The following MGST1 variants were observed in gnomAD, a reference collection of about 807,000 sequenced individuals.
MGST1 encodes the protein microsomal glutathione S-transferase 1, also known as glutathione S-transferase 12.
In MGST1, 5 loss-of-function variants were observed where a neutral mutation model predicts 8.9. The ratio of observed to expected loss-of-function variants is 0.56; its 90% confidence interval spans 0.29 to 1.19. MGST1 has a LOEUF of 1.19. Ranked by LOEUF, MGST1 falls within the 50% of genes most tolerant of loss-of-function variation. The pLI is 0.08. For missense variants in MGST1, 182 were observed against 187.4 expected (o/e 0.97, Z 0.17); for synonymous variants, 54 against 67.8 (o/e 0.80, Z 1.00).
At chr12:16,392,167 T>C (rs10846353) in intron 1 of MGST1, among the ~76,000 whole-genome samples, 59,254 of 151,994 alleles carry the variant, frequency 0.39, 11,653 homozygotes, top group East Asian at 0.53. Context: ...CATTTGAAGT[T>C]GGGTGATGTG....
chr12:16,439,898 A>G (rs1269113922), downstream of MGST1, among the ~76,000 whole-genome samples: 1 of 151,684 alleles, frequency 6.6e-6, no homozygotes, highest in Non-Finnish European at 1.5e-5. Flanking sequence ...CTCCCTCTCC[A>G]GCACTCTCCT....
In MGST1 at chr12:16,363,718, T is replaced by G; in HGVS notation, c.222-77T>G. On this transcript the variant is annotated intron_variant, in intron 3 of 3. Coordinates refer to ENST00000396210, the MANE Select transcript of MGST1 (RefSeq NM_020300.5). This position sits in a 1 kb window ranked among gnomAD's most constrained non-coding sequence, Gnocchi z 4.6. ...GGATCCATTAGTGCTCAGATTTAGT[T>G]TTTAGAAGAGAGAGAAAAAAGGATA... 3 of 1,294,242 alleles carry G rather than the reference T, an allele frequency of 2.3e-6. No homozygotes were observed. Among genetic ancestry groups the G allele is most frequent in the Non-Finnish European group, 3.1e-6 (3 of 966,480 alleles). The allele number at this position is 1,294,242 out of a possible 1,614,324, so 80.2% of individuals were successfully genotyped here. A position where few individuals can be genotyped will look rare whatever the true frequency, so the allele number is the denominator to read the frequency against.
rs775350108 is a variant in MGST1, at chr12:16,560,442, G to A, written n.483-29086G>A. 1 of 1,613,822 alleles carries A rather than the reference G, an allele frequency of 6.2e-7. No homozygotes were observed. The highest frequency in any genetic ancestry group is 8.5e-7 in the Non-Finnish European group (1 of 1,179,874). On this transcript the variant is annotated intron_variant and non_coding_transcript_variant, in intron 4 of 4. Transcript: ENST00000538857. The surrounding 1 kb of genome is among the most constrained non-coding windows in gnomAD (Gnocchi z 5.0). ...GATTACAAAGCTGACATGCAAAGCA[G>A]TCCAGGTGGTAAACATTGTCCTTGG...
intron 4 of MGST1, among the ~76,000 whole-genome samples, chr12:16,523,949 C>T (rs945151236): frequency 6.6e-6 from 1 of 152,084 alleles, no homozygotes; most frequent in African/African-American, 2.4e-5. Flanking sequence ...TTATCGGTTT[C>T]ATGCCCTTAC....
At chr12:16,409,585 G>T (rs1408716102) in intron 1 of MGST1, among the ~76,000 whole-genome samples, 2 of 152,088 alleles carry the variant, frequency 1.3e-5, no homozygotes, top group African/African-American at 4.8e-5. Context: ...GAGGGAAGAA[G>T]AACTTAGTTT....
chr12:16,395,612 T>A (rs1171825818), intron 1 of MGST1, among the ~76,000 whole-genome samples: 3 of 151,766 alleles, frequency 2.0e-5, no homozygotes, highest in Admixed American at 2.0e-4. Context: ...ATTGTATCAT[T>A]TTTATGACTT....
intron 4 of MGST1, among the ~76,000 whole-genome samples, chr12:16,499,431 T>A (rs973357607): frequency 6.6e-6 from 1 of 152,212 alleles, no homozygotes; most frequent in Non-Finnish European, 1.5e-5. Flanking sequence ...CAGTTGCATC[T>A]GTGGGTGTTT....
intron 1 of MGST1, among the ~76,000 whole-genome samples, chr12:16,387,639 G>A (rs1432680738): frequency 6.6e-6 from 1 of 151,412 alleles, no homozygotes; most frequent in Non-Finnish European, 1.5e-5. Flanking sequence ...CCATTCTCCT[G>A]CCTCAGCCTC....
chr12:16,578,818 AAACAACAACAACAACAAC>A (rs201327858), intron 4 of MGST1, among the ~76,000 whole-genome samples: 1 of 141,136 alleles, frequency 7.1e-6, no homozygotes, highest in South Asian at 2.1e-4. Flanking sequence ...ATTCTGTCTC[AAACAACAACAACAACAAC>A]AACAACAACA....
chr12:16,492,113 G>A (rs1025508664), intron 4 of MGST1, among the ~76,000 whole-genome samples: 2 of 151,956 alleles, frequency 1.3e-5, no homozygotes, highest in African/African-American at 2.4e-5. Context: ...ATCCTTCAAT[G>A]TTCATATGAA....
chr12:16,547,404 C>G lies in MGST1; in HGVS notation n.483-42124C>G, dbSNP rs1306994489. Among the ~76,000 whole-genome samples, 1 of 152,108 alleles carries G rather than the reference C, an allele frequency of 6.6e-6. No homozygotes were observed. Among genetic ancestry groups the G allele is most frequent in the Non-Finnish European group, 1.5e-5 (1 of 68,026 alleles). On this transcript the variant is annotated intron_variant and non_coding_transcript_variant, in intron 4 of 4. Coordinates refer to the MGST1 transcript ENST00000538857. The surrounding 1 kb of genome is among the most constrained non-coding windows in gnomAD (Gnocchi z 4.6). The stretch of plus-strand genomic sequence containing the variant: ...AATGAGTAATTTGTGTGCGATAATT[C>G]TCTGAACACATTGATTACTTGAGAT...
chr12:16,494,400 C>CA (rs1469638813), intron 4 of MGST1, among the ~76,000 whole-genome samples: 1 of 152,030 alleles, frequency 6.6e-6, no homozygotes, highest in African/African-American at 2.4e-5. Context: ...GCCTTAATTA[C>CA]AAAAATAGTG....
intron 4 of MGST1, among the ~76,000 whole-genome samples, chr12:16,557,776 A>G (rs993704266): frequency 2.0e-5 from 3 of 152,028 alleles, no homozygotes; most frequent in Admixed American, 2.0e-4. Context: ...TAGTGTTTCT[A>G]TTTTGTAGGT....
At chr12:16,439,019 A>G (rs1412236725), downstream of MGST1, among the ~76,000 whole-genome samples, 1 of 151,862 alleles carries the variant, frequency 6.6e-6, no homozygotes. Context: ...GTATAGCTCA[A>G]AGAGTCTGAC....
At chr12:16,539,198 C>G (rs1941778103) in intron 4 of MGST1, among the ~76,000 whole-genome samples, 1 of 152,124 alleles carries the variant, frequency 6.6e-6, no homozygotes, top group Non-Finnish European at 1.5e-5. Flanking sequence ...ATCTATCACT[C>G]TGAACTCCTT....
chr12:16,469,480 T>C (rs1941278848), intron 4 of MGST1, among the ~76,000 whole-genome samples: 1 of 152,172 alleles, frequency 6.6e-6, no homozygotes, highest in African/African-American at 2.4e-5. Flanking sequence ...TGAGCCACCA[T>C]GCCCGGCCAT....
intron 1 of MGST1, among the ~76,000 whole-genome samples, chr12:16,432,742 A>AGAGAG (rs56126800): frequency 6.8e-6 from 1 of 147,490 alleles, no homozygotes; most frequent in African/African-American, 2.5e-5. Flanking sequence ...AGAGAGAGAG[A>AGAGAG]ATATTGTCAG....
In MGST1 at chr12:16,537,112, G is replaced by T. The variant is rs547237055; in HGVS notation, n.483-52416G>T. On this transcript the variant is annotated intron_variant and non_coding_transcript_variant, in intron 4 of 4. Coordinates refer to the MGST1 transcript ENST00000538857. This position sits in a 1 kb window ranked among gnomAD's most constrained non-coding sequence, Gnocchi z 4.6. Reference sequence around the variant, plus strand: ...TTAGTTACTTCCTAGATACAACGGGGATACAGGTATTGGGTAAATACAGCT... The same window carrying T: ...TTAGTTACTTCCTAGATACAACGGGTATACAGGTATTGGGTAAATACAGCT... 6.6e-6 allele frequency among the ~76,000 whole-genome samples: 1 copy of T among 152,266 alleles called. No individual in the cohort carries two copies. Among genetic ancestry groups the T allele is most frequent in the Admixed American group, 6.5e-5 (1 of 15,300 alleles).
chr12:16,353,119 T>C (rs926473929), intron 1 of MGST1, among the ~76,000 whole-genome samples: 7 of 151,984 alleles, frequency 4.6e-5, no homozygotes, highest in Non-Finnish European at 7.4e-5. Flanking sequence ...CTGCAAGCTC[T>C]GCCTCCTGGG....
Sources: gnomAD v4.1 joint callset for allele counts (sites outside exome capture counted in the v4.1 genomes callset) on GRCh38, gnomAD v4.1.1 for gene constraint, Gnocchi (gnomAD v3.1) non-coding constraint, MANE v1.5 for transcripts, NCBI Gene and HGNC (gene_info 2026-07-23, HGNC 2026-07-21) for gene names.